ENO4: variants seen among roughly 807,000 people sequenced by gnomAD.
ENO4 encodes the protein enolase 4, also known as 2-phospho-D-glycerate hydro-lyase.
In ENO4, 53 loss-of-function variants were observed where a neutral mutation model predicts 63.2. The ratio of observed to expected loss-of-function variants is 0.84; its 90% CI spans 0.67 to 1.05. ENO4 has a LOEUF of 1.05. Ranked by LOEUF, ENO4 falls within the 50% of genes least tolerant of loss-of-function variation. The probability of loss-of-function intolerance (pLI) is 0.00; values close to 1 mark genes in which losing one functional copy is unlikely to be tolerated. For missense variants in ENO4, 719 were observed against 772.0 expected, an observed-to-expected ratio of 0.93 and a Z score of 0.81; for synonymous variants, 266 against 283.8, an observed-to-expected ratio of 0.94 and a Z score of 0.63.
chr10:116,864,717 A>T (rs9421250), intron 7 of ENO4, among the ~76,000 whole-genome samples: 47,578 of 151,676 alleles, frequency 0.31, 7,924 homozygotes, highest in African/African-American at 0.42. Context: ...CAGCCTTTTT[A>T]AAAAAATAAA....
At chr10:116,900,463 G>T in intron 10 of ENO4, 2 of 1,294,972 alleles carry the variant, frequency 1.5e-6, no homozygotes, top group Non-Finnish European at 2.2e-6. Flanking sequence ...TCTTGGAAAT[G>T]TAATTTCCAC....
exon 11 of ENO4, chr10:116,911,749 T>C (rs772511202): frequency 7.6e-6 from 12 of 1,581,100 alleles, no homozygotes; most frequent in Admixed American, 1.7e-5. Flanking sequence ...TCTCCTTTCA[T>C]TTCCCCATTA....
At chr10:116,907,593 C>T (rs919409394) in intron 10 of ENO4, among the ~76,000 whole-genome samples, 53 of 152,310 alleles carry the variant, frequency 3.5e-4, no homozygotes, top group African/African-American at 1.3e-3. Flanking sequence ...GTACAGAACA[C>T]TGGGTGACGT....
intron 10 of ENO4, among the ~76,000 whole-genome samples, chr10:116,894,607 C>A (rs1847447981): frequency 6.6e-6 from 1 of 152,154 alleles, no homozygotes; most frequent in Non-Finnish European, 1.5e-5. Context: ...CACTGCAAAC[C>A]ACACTGTTGA....
chr10:116,857,217 G>C (rs551484663), intron 3 of ENO4, among the ~76,000 whole-genome samples: 1 of 152,164 alleles, frequency 6.6e-6, no homozygotes, highest in Admixed American at 6.5e-5. Flanking sequence ...TTCATGTATA[G>C]AGCTTTCCTA....
intron 10 of ENO4, among the ~76,000 whole-genome samples, chr10:116,902,867 G>A (rs1365673158): frequency 6.6e-6 from 1 of 152,200 alleles, no homozygotes; most frequent in African/African-American, 2.4e-5. Context: ...ACAAATGTCA[G>A]ATCATCTTAA....
At chr10:116,878,293 G>T (rs949679831) in intron 11 of ENO4, among the ~76,000 whole-genome samples, 2 of 152,200 alleles carry the variant, frequency 1.3e-5, no homozygotes, top group African/African-American at 4.8e-5. Flanking sequence ...GCAGCCAGGG[G>T]CCTGGGTTGG....
intron 10 of ENO4, among the ~76,000 whole-genome samples, chr10:116,897,542 C>A (rs1235506770): frequency 1.3e-5 from 2 of 152,188 alleles, no homozygotes; most frequent in African/African-American, 4.8e-5. Flanking sequence ...CTGGCCCACT[C>A]AAAAACCCAG....
At chr10:116,855,531 C>T in intron 1 of ENO4, 92 bp from the exon 2 acceptor site, 3 of 1,466,642 alleles carry the variant, frequency 2.0e-6, no homozygotes, top group Non-Finnish European at 2.8e-6. Context: ...TGTGAATGAC[C>T]TTTTGAAGAT....
intron 1 of ENO4, among the ~76,000 whole-genome samples, chr10:116,853,136 A>C (rs975106824): frequency 1.3e-5 from 2 of 152,078 alleles, no homozygotes; most frequent in African/African-American, 4.8e-5. Flanking sequence ...TCTACTAAAA[A>C]TACAAAAAAT....
chr10:116,864,515 A>G (rs1447598142), intron 7 of ENO4, among the ~76,000 whole-genome samples: 2 of 152,104 alleles, frequency 1.3e-5, no homozygotes. Context: ...CTTGAATTCT[A>G]AAATCTTTCC....
At chr10:116,910,786 C>T (rs1172678946) in intron 10 of ENO4, among the ~76,000 whole-genome samples, 1 of 152,190 alleles carries the variant, frequency 6.6e-6, no homozygotes, top group Non-Finnish European at 1.5e-5. Context: ...ATAATCACCA[C>T]ATGCTTTTTC....
chr10:116,859,024 G>C lies in ENO4; in HGVS notation c.520G>C (p.Gly174Arg), dbSNP rs1442156678. 3 of 1,535,612 alleles carry C rather than the reference G, an allele frequency of 2.0e-6. 1 individual carries two copies. The highest frequency in any genetic ancestry group is 2.4e-5 in the South Asian group (2 of 84,004). ...CGCAAGTAAAGTACAAGAAGATAAG[G>C]GGAGAAAAGAATTGGAAAAGAGCCT... is the stretch of plus-strand genomic sequence containing the variant. ...FFASKVQEDKGRKELEKSLEY... is the reference protein window; with the variant it reads ...FFASKVQEDKRRKELEKSLEY... The change falls in exon 4 of 14, where the codon GGG (glycine) becomes CGG (arginine). Residue 174 changes from glycine (G) to arginine (R), a missense_variant. By Grantham distance (125) the Gly-to-Arg change is moderately radical. Coordinates refer to ENST00000341276, the MANE Select transcript of ENO4 (RefSeq NM_001242699.2).
At chr10:116,879,785 A>T (rs999075881) in intron 12 of ENO4, 84 bp from the exon 13 acceptor site, 1 of 1,038,870 alleles carries the variant, frequency 9.6e-7, no homozygotes, top group Non-Finnish European at 1.4e-6. Flanking sequence ...ACACTGTGAC[A>T]GTTTCCTTTG....
At chr10:116,889,639 A>C (rs1410068064) in intron 10 of ENO4, among the ~76,000 whole-genome samples, 1 of 152,226 alleles carries the variant, frequency 6.6e-6, no homozygotes, top group Non-Finnish European at 1.5e-5. Flanking sequence ...TGGCAGAGTC[A>C]GAACAAGAGT....
At chr10:116,896,801 CTTT>C (rs1230730641) in intron 10 of ENO4, among the ~76,000 whole-genome samples, 2 of 121,708 alleles carry the variant, frequency 1.6e-5, no homozygotes, top group Non-Finnish European at 1.7e-5. Context: ...TGATCAGGTA[CTTT>C]TTTTTTTTTT....
rs1456987059 is a variant in ENO4 at position 116,903,531 on chromosome 10, A to G, written c.1195-7968A>G. Among the ~76,000 whole-genome samples the G allele has an allele frequency of 4.7e-5, 7 of 150,434 alleles. No individual in the cohort carries two copies. In the East Asian group the frequency reaches 1.4e-3, roughly 30 times the overall value. ...CAAGAGAGACTTCATCTCAGAGACA[A>G]AAAAAAAAGGCCTTTTCCTCCCAGC... On this transcript the variant is annotated intron_variant, in intron 10 of 10. Transcript: ENST00000369207.
intron 10 of ENO4, chr10:116,901,458 G>T (rs1280040510): frequency 1.0e-6 from 1 of 985,088 alleles, no homozygotes; most frequent in African/African-American, 1.7e-5. Context: ...ATTTAATCTT[G>T]AAAGACTGAT....
At chr10:116,906,527 T>C in intron 10 of ENO4, 1 of 1,230,222 alleles carries the variant, frequency 8.1e-7, no homozygotes, top group Non-Finnish European at 1.1e-6. Context: ...ACAAATATTT[T>C]AATAATACTT....
Sources: allele counts gnomAD v4.1 joint callset (sites outside exome capture counted in the v4.1 genomes callset), GRCh38; gene constraint gnomAD v4.1.1; transcripts MANE v1.5; gene names NCBI Gene and HGNC (gene_info 2026-07-23, HGNC 2026-07-21).